Variants in TRAPPC11 observed in about 807,000 individuals in gnomAD.
TRAPPC11 encodes foie gras homolog.
A neutral mutation model predicts 151.2 loss-of-function variants in TRAPPC11; 104 were observed. The ratio of observed to expected loss-of-function variants is 0.69; its 90% CI spans 0.59 to 0.81. The LOEUF (loss-of-function observed/expected upper bound fraction) is 0.81. Ranked by LOEUF, TRAPPC11 falls within the 30% of genes least tolerant of loss-of-function variation. The probability of loss-of-function intolerance (pLI) is 0.00; values close to 1 mark genes in which losing one functional copy is unlikely to be tolerated. For synonymous variants in TRAPPC11, 456 were observed against 472.3 expected (o/e 0.97, Z 0.45); for missense variants, 1,230 against 1,349.6 (o/e 0.91, Z 1.39).
Position 183,659,358 on chromosome 4 carries a change from C to T in TRAPPC11, c.-111C>T. On this transcript the variant is annotated 5_prime_UTR_variant, in exon 1 of 30. Coordinates refer to ENST00000334690, the MANE Select transcript of TRAPPC11 (RefSeq NM_021942.6). ...CTGCGGCGGTGGGGACGGGCCACGG[C>T]GTTCTGTGACATCCCCCCGCCTCCC... is the stretch of plus-strand genomic sequence containing the variant. The T allele has an allele frequency of 5.5e-6, 1 of 181,456 alleles. No homozygotes were observed. Among genetic ancestry groups the T allele is most frequent in the Non-Finnish European group, 1.1e-5 (1 of 87,052 alleles). 11.2% of individuals were successfully genotyped at this position (181,456 alleles called of 1,614,324 possible).
intron 27 of TRAPPC11, among the ~76,000 whole-genome samples, 174 bp from the exon 28 acceptor site, chr4:183,706,633 A>G (rs535047395): frequency 6.6e-6 from 1 of 152,216 alleles, no homozygotes; most frequent in African/African-American, 2.4e-5. Context: ...AGCCTGTTTT[A>G]TCATAGTCTT....
At chr4:183,685,469 G>T in intron 17 of TRAPPC11, 66 bp downstream of exon 17, 2 of 1,507,904 alleles carry the variant, frequency 1.3e-6, no homozygotes, top group Non-Finnish European at 9.1e-7. Flanking sequence ...ATGAATAGGT[G>T]CAGAATAATA....
At chr4:183,672,882 A>G (rs543067501) in intron 5 of TRAPPC11, among the ~76,000 whole-genome samples, 3 of 152,072 alleles carry the variant, frequency 2.0e-5, no homozygotes, top group Non-Finnish European at 4.4e-5. Flanking sequence ...TGAATCATTC[A>G]GAATAGTCTG....
At chr4:183,698,014 C>A (rs1046621706) in intron 25 of TRAPPC11, among the ~76,000 whole-genome samples, 179 bp downstream of exon 25, 1 of 152,130 alleles carries the variant, frequency 6.6e-6, no homozygotes, top group African/African-American at 2.4e-5. Flanking sequence ...ATTTATAATA[C>A]CATTTGCTTG....
intron 14 of TRAPPC11, 44 bp downstream of exon 14, chr4:183,684,403 C>T: frequency 6.5e-7 from 1 of 1,538,884 alleles, no homozygotes; most frequent in Non-Finnish European, 8.9e-7. Context: ...TTTGGATTAT[C>T]TGAAGTGAAA....
chr4:183,706,409 G>C (rs1249748397), intron 27 of TRAPPC11, among the ~76,000 whole-genome samples: 2 of 151,972 alleles, frequency 1.3e-5, no homozygotes, highest in Non-Finnish European at 2.9e-5. Context: ...TGTAGTCCCA[G>C]CTACTTGGGA....
chr4:183,686,853 G>T, intron 18 of TRAPPC11, 105 bp downstream of exon 18: 1 of 1,345,414 alleles, frequency 7.4e-7, no homozygotes, highest in Non-Finnish European at 1.0e-6. Context: ...TGGTTTCATA[G>T]TAACAAATGA....
chr4:183,676,185 T>C (rs1371743254), intron 7 of TRAPPC11, among the ~76,000 whole-genome samples: 1 of 152,052 alleles, frequency 6.6e-6, no homozygotes, highest in Admixed American at 6.6e-5. Flanking sequence ...GTTTTGCTCT[T>C]GTTGCCCAGG....
chr4:183,686,810 G>C, intron 18 of TRAPPC11, 62 bp downstream of exon 18: 1 of 1,557,562 alleles, frequency 6.4e-7, no homozygotes. Context: ...TGTTAAACTA[G>C]ATAAAATGAG....
intron 15 of TRAPPC11, 76 bp downstream of exon 15, chr4:183,684,917 G>A: frequency 7.0e-7 from 1 of 1,418,590 alleles, no homozygotes; most frequent in Admixed American, 2.0e-5. Flanking sequence ...AAAATTTAAA[G>A]AATAATTTAG....
At chr4:183,662,738 ACTGT>A (rs1734620428) in intron 1 of TRAPPC11, among the ~76,000 whole-genome samples, 1 of 149,302 alleles carries the variant, frequency 6.7e-6, no homozygotes, top group Non-Finnish European at 1.5e-5. Flanking sequence ...ATGTAAGTCA[ACTGT>A]TTTTCTTTTA....
At chr4:183,677,642 C>T in intron 8 of TRAPPC11, 88 bp downstream of exon 8, 2 of 808,520 alleles carry the variant, frequency 2.5e-6, no homozygotes, top group Non-Finnish European at 4.1e-6. Context: ...TAATTTCTTG[C>T]TCTGAAAAGT....
chr4:183,703,392 C>G (rs1434601104), intron 26 of TRAPPC11, among the ~76,000 whole-genome samples: 3 of 152,128 alleles, frequency 2.0e-5, no homozygotes, highest in African/African-American at 7.2e-5. Flanking sequence ...TTTCCCCATT[C>G]CTGAATTTAC....
At chr4:183,659,973 C>T (rs150190623) in intron 1 of TRAPPC11, among the ~76,000 whole-genome samples, 2 of 152,148 alleles carry the variant, frequency 1.3e-5, no homozygotes, top group East Asian at 1.9e-4. Context: ...TTATCTTTCA[C>T]GCTAGTTTCC....
chr4:183,706,666 A>G (rs1737088667), intron 27 of TRAPPC11, 141 bp from the exon 28 acceptor site: 2 of 865,002 alleles, frequency 2.3e-6, no homozygotes, highest in East Asian at 2.7e-5. Context: ...CAATCAAAGA[A>G]TTTTCTTATC....
chr4:183,688,272 G>T (rs1736087338), intron 18 of TRAPPC11, among the ~76,000 whole-genome samples: 2 of 152,288 alleles, frequency 1.3e-5, no homozygotes, highest in Admixed American at 1.3e-4. Flanking sequence ...CAGAAAAAAG[G>T]GAGGGAGTTC....
intron 1 of TRAPPC11, among the ~76,000 whole-genome samples, chr4:183,660,400 A>G (rs1421523726): frequency 1.3e-5 from 2 of 152,198 alleles, no homozygotes; most frequent in African/African-American, 2.4e-5. Context: ...AAAAAGGTAA[A>G]ATATGTCATT....
intron 2 of TRAPPC11, 163 bp from the exon 3 acceptor site, chr4:183,666,094 A>C: frequency 1.8e-6 from 1 of 559,740 alleles, no homozygotes; most frequent in South Asian, 2.9e-5. Context: ...TTCCACCTTC[A>C]ACACTTACTA....
chr4:183,707,464 CATCAAGTTTTTAA>C (rs1252523298), intron 28 of TRAPPC11, among the ~76,000 whole-genome samples: 3 of 152,096 alleles, frequency 2.0e-5, no homozygotes, highest in Non-Finnish European at 2.9e-5. Flanking sequence ...TGGAAAAGTT[CATCAAGTTTTTAA>C]ATGAGCAAAC....
Sources: allele counts gnomAD v4.1 joint callset (sites outside exome capture counted in the v4.1 genomes callset), GRCh38; gene constraint gnomAD v4.1.1; transcripts MANE v1.5; gene names NCBI Gene and HGNC (gene_info 2026-07-23, HGNC 2026-07-21).